Variants in ALK observed in about 807,000 individuals in gnomAD.
ALK encodes the protein ALK receptor tyrosine kinase, also known as ALK tyrosine kinase receptor.
In ALK, 74 loss-of-function variants were observed where a neutral mutation model predicts 163.1. The observed-to-expected ratio is 0.45, with a 90% confidence interval of 0.38 to 0.55. The LOEUF is 0.55. Ranked by LOEUF, ALK falls within the 20% of genes least tolerant of loss-of-function variation. The probability of loss-of-function intolerance (pLI) is 0.00; values close to 1 mark genes in which losing one functional copy is unlikely to be tolerated. For missense variants in ALK, 2,063 were observed against 2,105.3 expected (o/e 0.98, Z 0.39); for synonymous variants, 960 against 843.2 (o/e 1.14, Z -2.40).
intron 1 of ALK, among the ~76,000 whole-genome samples, chr2:29,743,195 T>C (rs1361679052): frequency 6.6e-6 from 1 of 152,218 alleles, no homozygotes; most frequent in Non-Finnish European, 1.5e-5. Flanking sequence ...TGATAATGCA[T>C]AAGCTAGCTG....
intron 5 of ALK, among the ~76,000 whole-genome samples, chr2:29,376,187 T>C (rs955867813): frequency 1.3e-4 from 20 of 152,074 alleles, no homozygotes; most frequent in African/African-American, 3.9e-4. Flanking sequence ...AACCAATATA[T>C]ACTCTTAGTC....
rs1278567561 is a variant in ALK at position 29,792,792 on chromosome 2, C to T, written c.668-75095G>A. On this transcript the variant is annotated intron_variant, in intron 1 of 28. Coordinates refer to ENST00000389048, the MANE Select transcript of ALK (RefSeq NM_004304.5). ...ACTATTAAGTATGCAATAGCATAATCTCTAAAAAAATATACACATCTTAAT... is the reference window on the plus strand; with the variant it reads ...ACTATTAAGTATGCAATAGCATAATTTCTAAAAAAATATACACATCTTAAT... 4.5e-4 allele frequency among the ~76,000 whole-genome samples: 4 copies of T among 8,982 alleles called. No homozygotes were observed. The Admixed American group carries it at 5.0e-3, about 11-fold the overall frequency. 5.9% of individuals were successfully genotyped at this position (8,982 alleles called of 152,430 possible).
chr2:29,443,896 C>CGTACCTAGGA (rs1670606371), intron 4 of ALK, among the ~76,000 whole-genome samples: 1 of 152,188 alleles, frequency 6.6e-6, no homozygotes, highest in South Asian at 2.1e-4. Context: ...TAACTTCAAA[C>CGTACCTAGGA]GTACCTAGGA....
intron 1 of ALK, among the ~76,000 whole-genome samples, chr2:29,823,120 A>G (rs369205593): frequency 1.4e-4 from 21 of 152,272 alleles, no homozygotes; most frequent in African/African-American, 5.1e-4. Flanking sequence ...GAGATCTGAT[A>G]GTTTTATAAA....
At chr2:29,871,072 G>C (rs151306663) in intron 1 of ALK, among the ~76,000 whole-genome samples, 7 of 152,338 alleles carry the variant, frequency 4.6e-5, no homozygotes, top group Admixed American at 4.6e-4. Flanking sequence ...TGTGGGGACA[G>C]AAATGTCTGG....
chr2:29,214,370 G>A (rs994939788), intron 23 of ALK, among the ~76,000 whole-genome samples: 6 of 152,242 alleles, frequency 3.9e-5, no homozygotes, highest in Admixed American at 6.5e-5. Flanking sequence ...CCCAGACTCC[G>A]GGAAGCTAGG....
At chr2:29,556,239 T>C (rs1673855371) in intron 3 of ALK, among the ~76,000 whole-genome samples, 1 of 152,200 alleles carries the variant, frequency 6.6e-6, no homozygotes, top group Non-Finnish European at 1.5e-5. Flanking sequence ...CTGTGTGATC[T>C]TACTGTAGGA....
chr2:29,208,685 G>A (rs980287334), intron 25 of ALK, among the ~76,000 whole-genome samples: 2 of 152,116 alleles, frequency 1.3e-5, no homozygotes, highest in African/African-American at 4.8e-5. Flanking sequence ...TTCAGGGGTG[G>A]TGTCTGGATC....
chr2:29,759,119 C>T (rs1276067702), intron 1 of ALK, among the ~76,000 whole-genome samples: 1 of 152,180 alleles, frequency 6.6e-6, no homozygotes, highest in African/African-American at 2.4e-5. Flanking sequence ...TTGTCAGTCT[C>T]TCCTCTTGTC....
At chr2:29,371,152 C>T (rs558582256) in intron 5 of ALK, among the ~76,000 whole-genome samples, 43 of 152,306 alleles carry the variant, frequency 2.8e-4, no homozygotes, top group Non-Finnish European at 5.1e-4. Flanking sequence ...CCTTCTGGGC[C>T]GCTGCCCAGC....
chr2:29,846,977 A>T (rs918669575), intron 1 of ALK, among the ~76,000 whole-genome samples: 3 of 152,184 alleles, frequency 2.0e-5, no homozygotes, highest in African/African-American at 7.2e-5. Context: ...ATTTGTAAAC[A>T]CACGTAAAAA....
chr2:29,740,602 G>A (rs926719166), intron 1 of ALK, among the ~76,000 whole-genome samples: 47 of 152,172 alleles, frequency 3.1e-4, no homozygotes, highest in African/African-American at 1.1e-3. Flanking sequence ...AATATTAGGT[G>A]GCAAGTAAAA....
At chr2:29,550,044 T>G (rs965864816) in intron 3 of ALK, among the ~76,000 whole-genome samples, 1 of 152,186 alleles carries the variant, frequency 6.6e-6, no homozygotes, top group South Asian at 2.1e-4. Flanking sequence ...CCCGCTAAAC[T>G]AGGACAAGTC....
intron 5 of ALK, among the ~76,000 whole-genome samples, chr2:29,365,676 G>A (rs1182324412): frequency 6.6e-6 from 1 of 152,108 alleles, no homozygotes; most frequent in Non-Finnish European, 1.5e-5. Context: ...ATCTGACTCA[G>A]GACTACAATC....
chr2:29,493,070 C>T (rs538424535), intron 4 of ALK, among the ~76,000 whole-genome samples: 46 of 152,210 alleles, frequency 3.0e-4, no homozygotes, highest in African/African-American at 9.9e-4. Context: ...CTCCTGCTGT[C>T]CTTTTGAGTA....
At chr2:29,197,810 T>G (rs1271728054) in intron 26 of ALK, 134 bp from the exon 27 acceptor site, 14 of 776,872 alleles carry the variant, frequency 1.8e-5, no homozygotes, top group Non-Finnish European at 3.1e-5. Flanking sequence ...CATAGAACTC[T>G]TAAAATGTAG....
intron 4 of ALK, among the ~76,000 whole-genome samples, chr2:29,481,295 C>A (rs1171136582): frequency 1.3e-5 from 2 of 152,058 alleles, no homozygotes; most frequent in African/African-American, 4.8e-5. Context: ...CATTAAATTG[C>A]CAATATATTT....
intron 1 of ALK, among the ~76,000 whole-genome samples, chr2:29,802,304 G>T (rs1664486511): frequency 8.2e-6 from 1 of 121,986 alleles, no homozygotes; most frequent in Non-Finnish European, 1.7e-5. Flanking sequence ...AAGAGGAGGG[G>T]AGGGAAGGGG....
intron 4 of ALK, among the ~76,000 whole-genome samples, chr2:29,523,128 G>C (rs894053921): frequency 1.3e-5 from 2 of 152,076 alleles, no homozygotes; most frequent in African/African-American, 4.8e-5. Context: ...CGGGCAGGAG[G>C]GGGAGGAAGA....
Sources: allele counts gnomAD v4.1 joint callset (sites outside exome capture counted in the v4.1 genomes callset), GRCh38; gene constraint gnomAD v4.1.1; transcripts MANE v1.5; gene names NCBI Gene and HGNC (gene_info 2026-07-23, HGNC 2026-07-21).